The following ZNF124 variants were observed in gnomAD, a reference collection of about 807,000 sequenced individuals.
The protein encoded by ZNF124 is zinc finger protein 124.
In ZNF124, 25 loss-of-function variants were observed where a neutral mutation model predicts 26.6. The observed-to-expected ratio is 0.94, with a 90% CI of 0.68 to 1.31. The LOEUF (loss-of-function observed/expected upper bound fraction) is 1.31. Ranked by LOEUF, ZNF124 falls within the 40% of genes most tolerant of loss-of-function variation. ZNF124 has a pLI of 0.00. For synonymous variants in ZNF124, 129 were observed against 133.3 expected (o/e 0.97, Z 0.22); for missense variants, 444 against 422.2 (o/e 1.05, Z -0.45).
chr1:247,169,232 AC>A (rs1673954006), intron 1 of ZNF124, among the ~76,000 whole-genome samples: 1 of 152,160 alleles, frequency 6.6e-6, no homozygotes, highest in Admixed American at 6.5e-5. Context: ...TGTTTGACTC[AC>A]ATGTCAAGTA....
At chr1:247,147,075 G>A (rs773177017) in intron 3 of ZNF124, among the ~76,000 whole-genome samples, 1 of 151,862 alleles carries the variant, frequency 6.6e-6, no homozygotes, top group African/African-American at 2.4e-5. Context: ...AGCTCATTCT[G>A]TGCAGAGTCC....
At chr1:247,125,363 A>C (rs865904536) in intron 3 of ZNF124, among the ~76,000 whole-genome samples, 82 of 141,900 alleles carry the variant, frequency 5.8e-4, no homozygotes, top group African/African-American at 1.8e-3. Context: ...CTGCGCCATT[A>C]TGCAATCCCA....
intron 3 of ZNF124, among the ~76,000 whole-genome samples, chr1:247,131,619 A>T (rs959749837): frequency 1.3e-5 from 2 of 152,236 alleles, no homozygotes; most frequent in African/African-American, 4.8e-5. Flanking sequence ...GAGGCTGTAC[A>T]GCTAGGTCCC....
At chr1:247,160,870 CAA>C (rs137995423) in intron 1 of ZNF124, among the ~76,000 whole-genome samples, 9,517 of 151,718 alleles carry the variant, frequency 0.063, 381 homozygotes, top group African/African-American at 0.1. Flanking sequence ...CAAATTTAAT[CAA>C]GAGGTAATTA....
chr1:247,159,776 G>A lies in ZNF124; in HGVS notation c.68C>T (p.Thr23Ile), dbSNP rs781593395. Residue 23 changes from threonine to isoleucine, a missense_variant, in exon 2 of 4, where the codon ACC (threonine) becomes ATC (isoleucine). Thr to Ile is a moderately conservative substitution (Grantham distance 89). Coordinates refer to ENST00000543802, the MANE Select transcript of ZNF124 (RefSeq NM_001297568.2). ...ATCCAACAAAGCCCACTCCTCCTGG[G>A]TGAAGTTCACAGCCACATCCTCAAA... The part of the protein sequence containing the change: ...VAFEDVAVNF[T>I]QEEWALLDPS... The A allele has an allele frequency of 2.5e-6, 4 of 1,613,742 alleles. No homozygotes were observed. The highest frequency in any genetic ancestry group is 3.4e-6 in the Non-Finnish European group (4 of 1,179,916).
At chr1:247,128,702 GA>G (rs1432965226) in intron 3 of ZNF124, among the ~76,000 whole-genome samples, 2 of 149,730 alleles carry the variant, frequency 1.3e-5, no homozygotes, top group Non-Finnish European at 3.0e-5. Flanking sequence ...ATTGAGGGAA[GA>G]AAGAATTTCT....
In ZNF124 at chr1:247,157,061, G is replaced by A. The variant is rs1673184913; in HGVS notation, c.561C>T (p.Phe187=). ...RYECKQCGKA[F]SRSSHLRDHE... ...GGTCACGAAGGTGACTGGAACGACT[G>A]AAGGCTTTCCCACATTGCTTACATT... Residue 187 remains phenylalanine, a synonymous_variant, in exon 4 of 4, where the codon TTC becomes TTT. Transcript: ENST00000543802. 5 of 1,614,038 alleles carry A rather than the reference G, an allele frequency of 3.1e-6. No homozygotes were observed. The highest frequency in any genetic ancestry group is 4.5e-5 in the East Asian group (2 of 44,864).
rs532010077 is a variant in ZNF124 at position 247,164,038 on chromosome 1, AAAAC to A, written c.31-4229_31-4226del. Among the ~76,000 whole-genome samples the A allele has an allele frequency of 3.4e-4, 52 of 152,354 alleles. 2 individuals are homozygous for A. In the South Asian group the frequency reaches 9.9e-3, roughly 29 times the overall value. ...CAACATAAACAAAACTAAAAACAAAAAAACAACATGATCATCTCAATAGATGCAA... is the reference window on the plus strand; with the variant it reads ...CAACATAAACAAAACTAAAAACAAAAAACATGATCATCTCAATAGATGCAA... On this transcript the variant is annotated intron_variant, in intron 1 of 3. Transcript: ENST00000543802.
At chr1:247,153,088 G>C (rs964713673), downstream of ZNF124, among the ~76,000 whole-genome samples, 1 of 151,018 alleles carries the variant, frequency 6.6e-6, no homozygotes, top group Non-Finnish European at 1.5e-5. Flanking sequence ...AGCTGAGATT[G>C]CGCCACTGCA....
intron 3 of ZNF124, among the ~76,000 whole-genome samples, chr1:247,149,281 C>G (rs1003151322): frequency 6.6e-6 from 1 of 152,110 alleles, no homozygotes; most frequent in African/African-American, 2.4e-5. Flanking sequence ...TATAAAAAAC[C>G]GTAAGGTGGC....
At chr1:247,140,334 C>G (rs970377339) in intron 3 of ZNF124, among the ~76,000 whole-genome samples, 5 of 152,234 alleles carry the variant, frequency 3.3e-5, no homozygotes, top group African/African-American at 1.2e-4. Context: ...TCTGTCAGAA[C>G]CATCAGGCTC....
At chr1:247,133,855 G>A (rs993435086) in intron 3 of ZNF124, among the ~76,000 whole-genome samples, 1 of 151,902 alleles carries the variant, frequency 6.6e-6, no homozygotes, top group African/African-American at 2.4e-5. Flanking sequence ...GTTTCATCAT[G>A]TTAGTCAGGC....
chr1:247,156,208 T>C lies in ZNF124; in HGVS notation c.*358A>G. 1.0e-6 allele frequency: 1 copy of C among 1,004,392 alleles called. No individual in the cohort carries two copies. Among genetic ancestry groups the C allele is most frequent in the South Asian group, 4.6e-5 (1 of 21,522 alleles). 62.2% of individuals were successfully genotyped at this position (1,004,392 alleles called of 1,614,324 possible). On this transcript the variant is annotated 3_prime_UTR_variant, in exon 4 of 4. Transcript: ENST00000543802. ...TGGAGTATGTGTTACCATGTGTCTC[T>C]GAGTGAGTTATAGGATAAATGAAGG...
At chr1:247,124,787 T>C (rs1672168143) in intron 3 of ZNF124, among the ~76,000 whole-genome samples, 1 of 152,132 alleles carries the variant, frequency 6.6e-6, no homozygotes, top group African/African-American at 2.4e-5. Flanking sequence ...TGTTGTAGTA[T>C]GTATCAGCAT....
At chr1:247,124,728 T>C (rs1672167218) in intron 3 of ZNF124, among the ~76,000 whole-genome samples, 2 of 152,270 alleles carry the variant, frequency 1.3e-5, no homozygotes, top group South Asian at 4.1e-4. Context: ...TTTGTGTGTG[T>C]GTGTATGTGG....
intron 1 of ZNF124, among the ~76,000 whole-genome samples, chr1:247,166,422 T>C (rs573104910): frequency 2.6e-5 from 4 of 152,354 alleles, no homozygotes; most frequent in Admixed American, 2.0e-4. Context: ...ATAGGTTCAC[T>C]GTAGCATTAT....
chr1:247,167,971 G>C (rs575832856), intron 1 of ZNF124, among the ~76,000 whole-genome samples: 3 of 152,154 alleles, frequency 2.0e-5, no homozygotes, highest in Non-Finnish European at 2.9e-5. Flanking sequence ...CACTATCAGG[G>C]AAATGCAAAT....
At chr1:247,157,450 A>G (rs753152080) in intron 3 of ZNF124, 47 bp from the exon 4 acceptor site, 1 of 1,523,872 alleles carries the variant, frequency 6.6e-7, no homozygotes, top group East Asian at 2.5e-5. Context: ...CACACAATGC[A>G]TTCATGTGGT....
downstream of ZNF124, among the ~76,000 whole-genome samples, chr1:247,153,047 C>T (rs761082489): frequency 1.1e-4 from 16 of 151,456 alleles, no homozygotes; most frequent in Admixed American, 2.0e-4. Context: ...GCAGGAGAAT[C>T]GCTTGAACCC....
Sources: allele counts gnomAD v4.1 joint callset (sites outside exome capture counted in the v4.1 genomes callset), GRCh38; gene constraint gnomAD v4.1.1; transcripts MANE v1.5; gene names NCBI Gene and HGNC (gene_info 2026-07-23, HGNC 2026-07-21).